ADAMTS9: variants seen among roughly 807,000 people sequenced by gnomAD.
ADAMTS9 encodes the protein ADAM metallopeptidase with thrombospondin type 1 motif 9, also known as A disintegrin and metalloproteinase with thrombospondin motifs 9.
In ADAMTS9, 107 loss-of-function variants were observed where a neutral mutation model predicts 257.1. The observed-to-expected ratio is 0.42, with a 90% CI of 0.36 to 0.49. The LOEUF is 0.49. Ranked by LOEUF, ADAMTS9 falls within the 20% of genes least tolerant of loss-of-function variation. ADAMTS9 has a pLI of 0.03. For synonymous variants in ADAMTS9, 982 were observed against 880.9 expected (o/e 1.11, Z -2.03); for missense variants, 2,353 against 2,469.1 (o/e 0.95, Z 1.00).
At chr3:64,682,956 G>C (rs1701795731) in intron 2 of ADAMTS9, among the ~76,000 whole-genome samples, 1 of 152,178 alleles carries the variant, frequency 6.6e-6, no homozygotes, top group African/African-American at 2.4e-5. Flanking sequence ...AGAATTTCTA[G>C]GGATGGATCT....
chr3:64,594,545 G>A lies in ADAMTS9; in HGVS notation c.4180-111C>T, dbSNP rs145183400. 4.0e-4 allele frequency: 529 copies of A among 1,333,844 alleles called. 2 individuals carry two copies. The African/African-American group carries it at 5.6e-3, about 14-fold the overall frequency. 82.6% of individuals were successfully genotyped at this position (1,333,844 alleles called of 1,614,324 possible). A position where few individuals can be genotyped will look rare whatever the true frequency, so the allele number is the denominator to read the frequency against. On this transcript the variant is annotated intron_variant, in intron 27 of 39. Coordinates refer to ENST00000498707, the MANE Select transcript of ADAMTS9 (RefSeq NM_182920.2). ...TCAATTATGGCATTGGGCAAGGTAA[G>A]CCTCTGACAGATGGAACCAAGGTGA...
intron 22 of ADAMTS9, among the ~76,000 whole-genome samples, chr3:64,608,258 C>CAAAAAAAAAAAAAAAAAAAAAAAAAAGAA (rs57247914): frequency 1.9e-5 from 1 of 53,318 alleles, no homozygotes; most frequent in Admixed American, 2.1e-4. Context: ...AAACTAAAAC[C>CAAAAAAAAAAAAAAAAAAAAAAAAAAGAA]AAAAAAAAAA....
chr3:64,530,858 G>A (rs1455443834), intron 38 of ADAMTS9, among the ~76,000 whole-genome samples: 1 of 151,846 alleles, frequency 6.6e-6, no homozygotes, highest in Non-Finnish European at 1.5e-5. Context: ...TTTGGTTCTG[G>A]GTCACTGAAA....
chr3:64,615,313 C>T lies in ADAMTS9; in HGVS notation c.3189+8G>A. ...GACCTAGGGGAAATAACAGCCCTCC[C>T]ATCTTACCTCTGACCAGTCTCCAGA... On this transcript the variant is annotated splice_region_variant and intron_variant, in intron 21 of 39. Coordinates refer to ENST00000498707, the MANE Select transcript of ADAMTS9 (RefSeq NM_182920.2). 1 of 1,612,584 alleles carries T rather than the reference C, an allele frequency of 6.2e-7. No individual in the cohort carries two copies. Among genetic ancestry groups the T allele is most frequent in the Non-Finnish European group, 8.5e-7 (1 of 1,179,268 alleles).
chr3:64,677,871 C>T (rs1040091454), intron 3 of ADAMTS9, among the ~76,000 whole-genome samples: 6 of 152,188 alleles, frequency 3.9e-5, no homozygotes, highest in African/African-American at 7.2e-5. Flanking sequence ...AATAAATGCA[C>T]GCATGAATGA....
chr3:64,594,363 A>C lies in ADAMTS9; in HGVS notation c.4251T>G (p.Phe1417Leu), dbSNP rs1231671324. 3 of 1,614,112 alleles carry C rather than the reference A, an allele frequency of 1.9e-6. No individual in the cohort carries two copies. The South Asian group carries it at 3.3e-5, about 18-fold the overall frequency. ...CAAGAATTTCACAGCTCAAATCTGG[A>C]AACCGTTCACCGTTGGACCGCTGAC... ...VVCQRSNGERFPDLSCEILDK... is the reference protein window; with the variant it reads ...VVCQRSNGERLPDLSCEILDK... Residue 1417 changes from phenylalanine (F) to leucine (L), a missense_variant, in exon 28 of 40, where the codon TTT becomes TTG. By Grantham distance (22) the Phe-to-Leu change is conservative (BLOSUM62 0). This residue lies in a region of ADAMTS9 where 1,402 missense variants were observed against 1,441.4 expected (regional missense o/e 0.97). Transcript: ENST00000498707.
rs1278897392 is a variant in ADAMTS9, at chr3:64,604,061, C to T, written c.3608G>A (p.Arg1203Gln). 6.8e-6 allele frequency: 11 copies of T among 1,613,910 alleles called. No individual in the cohort carries two copies. The highest frequency in any genetic ancestry group is 1.7e-5 in the Admixed American group (1 of 59,990). Residue 1203 changes from arginine (R) to glutamine (Q), a missense_variant, in exon 25 of 40, where the codon CGG becomes CAG. This residue lies in a region of ADAMTS9 where 1,402 missense variants were observed against 1,441.4 expected (regional missense o/e 0.97). Transcript: ENST00000498707. ...ATCTCGGCAGCTGACGTATCTCATC[C>T]GGGTACCTTTCCCACAAGTGGCTGA... ...PCSATCGKGT[R>Q]MRYVSCRDEN... is the part of the protein sequence containing the mutation.
chr3:64,633,434 G>C (rs760138993), intron 14 of ADAMTS9, 38 bp downstream of exon 14: 2 of 1,610,226 alleles, frequency 1.2e-6, no homozygotes, highest in Non-Finnish European at 1.7e-6. Flanking sequence ...GGTTGGCAGC[G>C]GGAAAACACA....
chr3:64,517,417 T>TTTTTTG (rs2082790791), intron 39 of ADAMTS9, among the ~76,000 whole-genome samples: 1 of 48,220 alleles, frequency 2.1e-5, no homozygotes, highest in Admixed American at 3.4e-4. Context: ...TTAAAAATGG[T>TTTTTTG]TTTTTTTTTT....
chr3:64,580,733 T>G (rs369279831), intron 28 of ADAMTS9, among the ~76,000 whole-genome samples: 3 of 152,208 alleles, frequency 2.0e-5, no homozygotes, highest in African/African-American at 7.2e-5. Flanking sequence ...ATCTCTGACT[T>G]GTGATAAGTA....
intron 12 of ADAMTS9, among the ~76,000 whole-genome samples, chr3:64,640,524 T>C (rs539437047): frequency 3.9e-5 from 6 of 152,342 alleles, no homozygotes; most frequent in Admixed American, 6.5e-5. Flanking sequence ...TTGCTATCCG[T>C]GATCTAAGCT....
Position 64,539,190 on chromosome 3 carries a change from A to G in ADAMTS9, c.5613+13T>C, listed in dbSNP as rs775344841. On this transcript the variant is annotated intron_variant, in intron 37 of 39. Coordinates refer to ENST00000498707, the MANE Select transcript of ADAMTS9 (RefSeq NM_182920.2). Reference sequence around the variant, plus strand: ...GTGAATCCCTGGCAAGGGGGAAGGCACCAAGGACATACCTGTGGGCACTTG... The same window carrying G: ...GTGAATCCCTGGCAAGGGGGAAGGCGCCAAGGACATACCTGTGGGCACTTG... The G allele has an allele frequency of 3.2e-5, 52 of 1,607,468 alleles. No homozygotes were observed. The highest frequency in any genetic ancestry group is 4.3e-5 in the Non-Finnish European group (50 of 1,174,074).
chr3:64,551,062 A>G lies in ADAMTS9; in HGVS notation c.4699T>C (p.Cys1567Arg), dbSNP rs190803077. The stretch of plus-strand genomic sequence containing the variant: ...GAGCCTTCGCCGCAGGTCTTGGTGC[A>G]CTGTTAAATACAAGCAAAAGAGAAG... ...YTWRAEEWQE[C>R]TKTCGEGSRY... Residue 1567 changes from cysteine (C) to arginine (R), a missense_variant and splice_region_variant, in exon 31 of 40, where the codon TGC (cysteine) becomes CGC (arginine). Cys to Arg is a radical substitution (Grantham distance 180, BLOSUM62 -3). Transcript: ENST00000498707. The G allele has an allele frequency of 6.2e-7, 1 of 1,613,814 alleles. No homozygotes were observed. The highest frequency in any genetic ancestry group is 8.5e-7 in the Non-Finnish European group (1 of 1,179,880).
chr3:64,538,194 C>A (rs1268577406), intron 37 of ADAMTS9, among the ~76,000 whole-genome samples: 1 of 152,178 alleles, frequency 6.6e-6, no homozygotes, highest in Non-Finnish European at 1.5e-5. Context: ...GTTAACCTGT[C>A]ATCCTCTCTA....
intron 3 of ADAMTS9, among the ~76,000 whole-genome samples, chr3:64,679,299 A>T (rs1035042575): frequency 3.9e-5 from 6 of 152,170 alleles, no homozygotes; most frequent in Non-Finnish European, 2.9e-5. Flanking sequence ...TCTCTTTTCC[A>T]CACAGACTCC....
At chr3:64,519,082 C>G (rs2082818539) in intron 39 of ADAMTS9, among the ~76,000 whole-genome samples, 1 of 152,126 alleles carries the variant, frequency 6.6e-6, no homozygotes, top group Admixed American at 6.6e-5. Context: ...CCAGCCTCAT[C>G]ATGATCTTAA....
chr3:64,593,423 C>T (rs928830135), intron 28 of ADAMTS9, among the ~76,000 whole-genome samples: 1 of 152,194 alleles, frequency 6.6e-6, no homozygotes, highest in Non-Finnish European at 1.5e-5. Context: ...AATGTATTTA[C>T]AGGACCATTT....
At chr3:64,564,640 A>C (rs2083496389) in intron 29 of ADAMTS9, among the ~76,000 whole-genome samples, 1 of 151,874 alleles carries the variant, frequency 6.6e-6, no homozygotes, top group Non-Finnish European at 1.5e-5. Context: ...TGTCGTGTGC[A>C]TTGTAGAAAG....
chr3:64,581,198 TG>T (rs1386218007), intron 28 of ADAMTS9, among the ~76,000 whole-genome samples: 3 of 152,140 alleles, frequency 2.0e-5, no homozygotes, highest in African/African-American at 7.2e-5. Flanking sequence ...TTTGGCCAAT[TG>T]CAAATGGGCA....
Sources: gnomAD v4.1 joint callset for allele counts (sites outside exome capture counted in the v4.1 genomes callset) on GRCh38, gnomAD v4.1.1 for gene constraint, gnomAD v4.1.1 regional missense constraint, MANE v1.5 for transcripts, NCBI Gene and HGNC (gene_info 2026-07-23, HGNC 2026-07-21) for gene names.